PLXNA2: variants seen among roughly 807,000 people sequenced by gnomAD.
PLXNA2 encodes the protein plexin-A2.
PLXNA2 carries 91 observed loss-of-function variants against 193.5 expected under a neutral mutation model. The ratio of observed to expected loss-of-function variants is 0.47; its 90% CI spans 0.40 to 0.56. The LOEUF (loss-of-function observed/expected upper bound fraction) is 0.56, where lower values mean the gene tolerates loss of function less well. PLXNA2 is among the 20% of genes least tolerant of loss of function. The pLI is 0.00. For synonymous variants in PLXNA2, 997 were observed against 1,027.3 expected, an observed-to-expected ratio of 0.97 and a Z score of 0.56; for missense variants, 1,995 against 2,503.2, an observed-to-expected ratio of 0.80 and a Z score of 4.33.
chr1:208,169,215 G>A (rs967982415), intron 3 of PLXNA2, among the ~76,000 whole-genome samples: 1 of 152,188 alleles, frequency 6.6e-6, no homozygotes, highest in African/African-American at 2.4e-5. Context: ...CTCTGAGGCT[G>A]ACCTTTGGGA....
chr1:208,052,147 G>A (rs910773183), intron 15 of PLXNA2, among the ~76,000 whole-genome samples, 180 bp downstream of exon 15: 3 of 152,206 alleles, frequency 2.0e-5, no homozygotes, highest in African/African-American at 7.2e-5. Context: ...TTTGATATAC[G>A]GGATATAAAC....
At chr1:208,233,200 A>C (rs914189617) in intron 1 of PLXNA2, among the ~76,000 whole-genome samples, 8 of 152,052 alleles carry the variant, frequency 5.3e-5, no homozygotes. Context: ...GCCAGGTTGA[A>C]ACCTCCTCAA....
chr1:208,024,939 C>T lies in PLXNA2; in HGVS notation c.*2304G>A, dbSNP rs1664296665. The stretch of plus-strand genomic sequence containing the variant: ...ACCTATATCTCCTTTCCTTTTATCT[C>T]CATAAATTATGGGCTCTGCGCTGAT... On this transcript the variant is annotated 3_prime_UTR_variant, in exon 32 of 32. Transcript: ENST00000367033. The T allele has an allele frequency of 6.6e-6, 1 of 152,478 alleles. No homozygotes were observed. The highest frequency in any genetic ancestry group is 1.9e-4 in the East Asian group (1 of 5,194). 9.4% of individuals were successfully genotyped at this position (152,478 alleles called of 1,614,324 possible). A position where few individuals can be genotyped will look rare whatever the true frequency, so the allele number is the denominator to read the frequency against.
chr1:208,049,109 A>G (rs1665168810), intron 17 of PLXNA2, among the ~76,000 whole-genome samples: 1 of 152,076 alleles, frequency 6.6e-6, no homozygotes, highest in South Asian at 2.1e-4. Context: ...TGCAGAAACC[A>G]CATAAAGACT....
chr1:208,097,278 C>T (rs532832751), intron 6 of PLXNA2, among the ~76,000 whole-genome samples: 2 of 152,310 alleles, frequency 1.3e-5, no homozygotes, highest in South Asian at 4.1e-4. Context: ...AAGGCCTTAG[C>T]CATGGCTCAT....
chr1:208,094,399 G>A (rs1425811553), intron 8 of PLXNA2, among the ~76,000 whole-genome samples: 1 of 151,640 alleles, frequency 6.6e-6, no homozygotes, highest in Non-Finnish European at 1.5e-5. Context: ...GCAGTGTTTG[G>A]CATTAAAATG....
intron 13 of PLXNA2, among the ~76,000 whole-genome samples, chr1:208,057,971 A>C (rs1042239382): frequency 6.6e-6 from 1 of 152,194 alleles, no homozygotes; most frequent in Non-Finnish European, 1.5e-5. Flanking sequence ...GCAGGGAGCA[A>C]AGTGACTTGC....
rs754903930 is a variant in PLXNA2, at chr1:208,054,509, A to G, written c.2768T>C (p.Val923Ala). The change falls in exon 14 of 32, where the codon GTG becomes GCG. Residue 923 changes from valine (V) to alanine (A), a missense_variant. Val to Ala is a moderately conservative substitution (Grantham distance 64, BLOSUM62 0). This residue lies in a region of PLXNA2 where 1,291 missense variants were observed against 1,673.6 expected (regional missense o/e 0.77). Transcript: ENST00000367033. ...QIVCEMGHAL[V>A]GTTSGPVRLC... ...GCGTACTGGCCCGGAGGTGGTTCCC[A>G]CGAGGGCATGGCCCATCTCACAGAC... 1.4e-5 allele frequency: 22 copies of G among 1,614,090 alleles called. No individual in the cohort carries two copies. Among genetic ancestry groups the G allele is most frequent in the Non-Finnish European group, 1.4e-5 (16 of 1,180,006 alleles).
intron 4 of PLXNA2, among the ~76,000 whole-genome samples, chr1:208,114,332 C>T (rs763210811): frequency 1.2e-4 from 18 of 152,178 alleles, no homozygotes; most frequent in Non-Finnish European, 2.2e-4. Context: ...AGGGACCCCA[C>T]GTTGATGTTC....
intron 4 of PLXNA2, among the ~76,000 whole-genome samples, chr1:208,111,075 C>T (rs1667458319): frequency 6.6e-6 from 1 of 151,972 alleles, no homozygotes; most frequent in African/African-American, 2.4e-5. Context: ...TTTTAAACGA[C>T]AGTCTTGTTC....
rs758447103 is a variant in PLXNA2 at position 208,028,959 on chromosome 1, C to G, written c.5309G>C (p.Cys1770Ser). The G allele has an allele frequency of 6.2e-7, 1 of 1,614,034 alleles. No individual in the cohort carries two copies. The highest frequency in any genetic ancestry group is 1.3e-5 in the African/African-American group (1 of 74,906). ...DIHKGSITDA[C>S]LSVVAQTFMD... ...GAAGGTCTGGGCCACCACAGAGAGG[C>G]AGGCGTCCGTGATGCTGCCCTTGTG... The change falls in exon 30 of 32, where the codon TGC (cysteine) becomes TCC (serine). Residue 1770 changes from cysteine to serine, a missense_variant. Cys to Ser is a moderately radical substitution (Grantham distance 112, BLOSUM62 -1). Transcript: ENST00000367033. This position sits in a 1 kb window ranked among gnomAD's most constrained non-coding sequence, Gnocchi z 4.2.
intron 3 of PLXNA2, among the ~76,000 whole-genome samples, chr1:208,179,454 C>T (rs1342204442): frequency 6.6e-6 from 1 of 152,176 alleles, no homozygotes; most frequent in African/African-American, 2.4e-5. Flanking sequence ...CCGGACCTGT[C>T]CTGTGGTCAG....
At position 208,024,358 on chromosome 1, in the gene PLXNA2, G is replaced by A. The variant is rs1434025633; in HGVS notation, c.*2885C>T. 2 of 152,334 alleles carry A rather than the reference G, an allele frequency of 1.3e-5. No homozygotes were observed. Among genetic ancestry groups the A allele is most frequent in the African/African-American group, 2.4e-5 (1 of 41,456 alleles). The allele number at this position is 152,334 out of a possible 1,614,324, so 9.4% of individuals were successfully genotyped here. On this transcript the variant is annotated 3_prime_UTR_variant, in exon 32 of 32. Coordinates refer to ENST00000367033, the MANE Select transcript of PLXNA2 (RefSeq NM_025179.4). ...CATCCAAAGGGTGTGGACTTCATTG[G>A]TTCTTGGTGGCCCAAAGCGAAGAGG...
intron 4 of PLXNA2, among the ~76,000 whole-genome samples, chr1:208,106,972 G>A (rs891887666): frequency 6.6e-6 from 1 of 152,244 alleles, no homozygotes; most frequent in Non-Finnish European, 1.5e-5. Flanking sequence ...GAGGGCAAGG[G>A]AGGGATGGTG....
At chr1:208,152,460 C>T (rs556369650) in intron 3 of PLXNA2, among the ~76,000 whole-genome samples, 1 of 152,282 alleles carries the variant, frequency 6.6e-6, no homozygotes, top group East Asian at 1.9e-4. Context: ...TATTCTTGTT[C>T]TAATCTATTC....
intron 1 of PLXNA2, among the ~76,000 whole-genome samples, chr1:208,220,592 C>T (rs2102619261): frequency 6.6e-6 from 1 of 151,438 alleles, no homozygotes; most frequent in Non-Finnish European, 1.5e-5. Context: ...GCCACCACAC[C>T]CGCCTAATTT....
rs1669776470 is a variant in PLXNA2, at chr1:208,179,737, T to C, written c.1371+30543A>G. ...TAGGAGGCTTCAGCAAATCCATAAA[T>C]ACCTTGAGCTGAAGCCTCCCCTTGG... On this transcript the variant is annotated intron_variant, in intron 3 of 31. Transcript: ENST00000367033. Among the ~76,000 whole-genome samples, 3 of 152,236 alleles carry C rather than the reference T, an allele frequency of 2.0e-5. No homozygotes were observed. The South Asian group carries it at 6.2e-4, about 32-fold the overall frequency.
At chr1:208,190,186 A>G (rs1482425919) in intron 3 of PLXNA2, among the ~76,000 whole-genome samples, 1 of 152,172 alleles carries the variant, frequency 6.6e-6, no homozygotes, top group African/African-American at 2.4e-5. Context: ...GCAGTTATGA[A>G]CAACATTTTC....
At chr1:208,037,783 C>A (rs1309026019) in intron 26 of PLXNA2, among the ~76,000 whole-genome samples, 2 of 151,852 alleles carry the variant, frequency 1.3e-5, no homozygotes, top group Non-Finnish European at 2.9e-5. Context: ...GTGCTAAACA[C>A]CTCACCTTCT....
Sources: gnomAD v4.1 joint callset for allele counts (sites outside exome capture counted in the v4.1 genomes callset) on GRCh38, gnomAD v4.1.1 for gene constraint, gnomAD v4.1.1 regional missense constraint, Gnocchi (gnomAD v3.1) non-coding constraint, MANE v1.5 for transcripts, NCBI Gene and HGNC (gene_info 2026-07-23, HGNC 2026-07-21) for gene names.